The following MDGA2 variants were observed in gnomAD, a reference collection of about 807,000 sequenced individuals.
The protein encoded by MDGA2 is MAM domain-containing glycosylphosphatidylinositol anchor protein 2.
A neutral mutation model predicts 117.8 loss-of-function variants in MDGA2; 40 were observed. The observed-to-expected ratio is 0.34, with a 90% CI of 0.26 to 0.44. MDGA2 has a LOEUF of 0.44. MDGA2 is among the 20% of genes least tolerant of loss of function. MDGA2 has a pLI of 1.00. For synonymous variants in MDGA2, 452 were observed against 439.0 expected (o/e 1.03, Z -0.37); for missense variants, 1,123 against 1,250.6 (o/e 0.90, Z 1.54).
intron 1 of MDGA2, among the ~76,000 whole-genome samples, chr14:47,372,842 T>C (rs532452983): frequency 3.9e-5 from 6 of 152,034 alleles, no homozygotes; most frequent in Non-Finnish European, 8.8e-5. Context: ...AATGTTCATA[T>C]ACATTTTATT....
chr14:47,002,912 C>T lies in MDGA2; in HGVS notation c.1819+32099G>A, dbSNP rs181809135. Among the ~76,000 whole-genome samples, 17 of 152,060 alleles carry T rather than the reference C, an allele frequency of 1.1e-4. No homozygotes were observed. In the East Asian group the frequency reaches 2.7e-3, roughly 24 times the overall value. The stretch of plus-strand genomic sequence containing the variant: ...AATTACTGACATATACTTTGACAAA[C>T]CTGTGAAGCTATCACCACAATTAAG... On this transcript the variant is annotated intron_variant, in intron 8 of 16. Coordinates refer to ENST00000399232, the MANE Select transcript of MDGA2 (RefSeq NM_001113498.3).
At chr14:47,275,465 C>G (rs1286989231) in intron 2 of MDGA2, among the ~76,000 whole-genome samples, 2 of 152,010 alleles carry the variant, frequency 1.3e-5, no homozygotes, top group Non-Finnish European at 2.9e-5. Flanking sequence ...ATTTATATTT[C>G]TTTAAATAAT....
chr14:47,324,250 GA>G (rs548686718), intron 1 of MDGA2, among the ~76,000 whole-genome samples: 7 of 149,518 alleles, frequency 4.7e-5, no homozygotes, highest in Admixed American at 6.7e-5. Flanking sequence ...ATCTCAAAAG[GA>G]AAAAAAAAGA....
At position 47,132,896 on chromosome 14, in the gene MDGA2, A is replaced by G. The variant is rs147811512; in HGVS notation, c.793-1050T>C. Reference sequence around the variant, plus strand: ...AAAACTTGCAATACTTTCATATGTTATAGAGGAGGACTGGAATACTTAGTG... The same window carrying G: ...AAAACTTGCAATACTTTCATATGTTGTAGAGGAGGACTGGAATACTTAGTG... On this transcript the variant is annotated intron_variant, in intron 4 of 16. Coordinates refer to ENST00000399232, the MANE Select transcript of MDGA2 (RefSeq NM_001113498.3). Among the ~76,000 whole-genome samples, 214 of 152,040 alleles carry G rather than the reference A, an allele frequency of 1.4e-3. 2 individuals are homozygous for G. The highest frequency in any genetic ancestry group is 4.8e-3 in the African/African-American group (199 of 41,560).
At chr14:47,615,040 C>T (rs563087130) in intron 1 of MDGA2, among the ~76,000 whole-genome samples, 12 of 151,446 alleles carry the variant, frequency 7.9e-5, no homozygotes, top group East Asian at 3.9e-4. Flanking sequence ...ATTTTTTTCT[C>T]GGGTAGAATT....
intron 1 of MDGA2, among the ~76,000 whole-genome samples, chr14:47,620,582 A>T (rs2138926068): frequency 1.3e-5 from 2 of 152,354 alleles, no homozygotes; most frequent in South Asian, 4.1e-4. Flanking sequence ...ATTGGGCCAT[A>T]AACTTTGCCC....
chr14:47,118,364 TAAAG>T lies in MDGA2; in HGVS notation c.925+13346_925+13349del, dbSNP rs1289674688. On this transcript the variant is annotated intron_variant, in intron 5 of 16. Transcript: ENST00000399232. ...TTACTACACAAAATTGAATATTGCT[TAAAG>T]AAATATTAAAAAGCAACAAAACCTT... Among the ~76,000 whole-genome samples, 15 of 152,300 alleles carry T rather than the reference TAAAG, an allele frequency of 9.8e-5. No homozygotes were observed. The East Asian group carries it at 2.1e-3, about 22-fold the overall frequency.
intron 1 of MDGA2, among the ~76,000 whole-genome samples, chr14:47,399,755 G>GTT (rs5808393): frequency 1.6e-4 from 25 of 151,754 alleles, no homozygotes; most frequent in Admixed American, 2.6e-4. Context: ...AATCATGTCT[G>GTT]TTTTTTTGTT....
chr14:46,938,204 A>G (rs1236177999), intron 9 of MDGA2, among the ~76,000 whole-genome samples: 1 of 152,078 alleles, frequency 6.6e-6, no homozygotes, highest in African/African-American at 2.4e-5. Context: ...AAAATGCTCA[A>G]CATCACTAAT....
chr14:47,028,720 C>A lies in MDGA2; in HGVS notation c.1819+6291G>T, dbSNP rs1361091837. On this transcript the variant is annotated intron_variant, in intron 8 of 16. Transcript: ENST00000399232. Reference sequence around the variant, plus strand: ...GAGCATAAAAGCCTAGCCAGAGAGGCAACATTGAATTATCATGCTTATGGG... The same window carrying A: ...GAGCATAAAAGCCTAGCCAGAGAGGAAACATTGAATTATCATGCTTATGGG... 2.0e-5 allele frequency among the ~76,000 whole-genome samples: 3 copies of A among 152,116 alleles called. No homozygotes were observed. In the East Asian group the frequency reaches 5.8e-4, roughly 29 times the overall value.
intron 6 of MDGA2, among the ~76,000 whole-genome samples, chr14:47,082,668 A>T (rs1467615620): frequency 1.3e-5 from 2 of 152,072 alleles, no homozygotes; most frequent in Non-Finnish European, 2.9e-5. Context: ...TTTTTCATAC[A>T]AAATAAATGG....
At chr14:47,257,892 A>AT (rs896927430) in intron 2 of MDGA2, among the ~76,000 whole-genome samples, 1 of 152,024 alleles carries the variant, frequency 6.6e-6, no homozygotes, top group Non-Finnish European at 1.5e-5. Flanking sequence ...CTTCTCATGT[A>AT]TTTTTTTATT....
chr14:47,356,927 G>A (rs940259799), intron 1 of MDGA2, among the ~76,000 whole-genome samples: 1 of 152,134 alleles, frequency 6.6e-6, no homozygotes, highest in African/African-American at 2.4e-5. Flanking sequence ...ACAACCCCCT[G>A]CATATTGCAG....
intron 5 of MDGA2, among the ~76,000 whole-genome samples, chr14:47,130,784 G>A (rs999174259): frequency 1.3e-5 from 2 of 152,012 alleles, no homozygotes; most frequent in African/African-American, 4.8e-5. Flanking sequence ...CTAGTAAGTG[G>A]CACAAGCAGA....
intron 4 of MDGA2, among the ~76,000 whole-genome samples, chr14:47,137,325 G>A (rs1207999698): frequency 2.0e-5 from 3 of 152,136 alleles, no homozygotes; most frequent in Non-Finnish European, 2.9e-5. Context: ...TAGTTTGGAT[G>A]TTTGTCCCTA....
intron 9 of MDGA2, among the ~76,000 whole-genome samples, chr14:46,957,121 T>C (rs1885593040): frequency 6.6e-6 from 1 of 152,166 alleles, no homozygotes; most frequent in Non-Finnish European, 1.5e-5. Context: ...ACTAATATAA[T>C]AACCAATTTC....
At chr14:47,093,565 T>C (rs1879793081) in intron 6 of MDGA2, among the ~76,000 whole-genome samples, 1 of 152,080 alleles carries the variant, frequency 6.6e-6, no homozygotes, top group African/African-American at 2.4e-5. Context: ...TCCTAACTTA[T>C]GAGAAATGTA....
intron 1 of MDGA2, among the ~76,000 whole-genome samples, chr14:47,602,077 G>A (rs1010624531): frequency 1.3e-5 from 2 of 152,138 alleles, no homozygotes; most frequent in Non-Finnish European, 2.9e-5. Context: ...ATTAACCTAA[G>A]AAAGCTCCTC....
chr14:47,207,931 A>C (rs1376709320), intron 3 of MDGA2, among the ~76,000 whole-genome samples: 4 of 152,154 alleles, frequency 2.6e-5, no homozygotes, highest in Admixed American at 1.3e-4. Context: ...TCAGAAGCTA[A>C]GACGTATTAA....
Sources: gnomAD v4.1 joint callset for allele counts (sites outside exome capture counted in the v4.1 genomes callset) on GRCh38, gnomAD v4.1.1 for gene constraint, MANE v1.5 for transcripts, NCBI Gene and HGNC (gene_info 2026-07-23, HGNC 2026-07-21) for gene names.